Variants in LRTM3 observed in about 807,000 individuals in gnomAD.
LRTM3 encodes leucine-rich repeat transmembrane protein 3.
At chr13:102,757,931 T>C in the LRTM3 span, among the ~76,000 whole-genome samples, 1 of 152,232 alleles carries the variant, frequency 6.6e-6, no homozygotes, top group Non-Finnish European at 1.5e-5. Context: ...ACAATTAAAA[T>C]ATTGATAGCA....
chr13:102,732,017 G>T, the LRTM3 span: 2 of 1,551,190 alleles, frequency 1.3e-6, no homozygotes, highest in Non-Finnish European at 1.7e-6. Context: ...TCTGAGGTTT[G>T]CTTCTGATTT....
At chr13:102,747,070 T>C in the LRTM3 span, 1 of 1,551,130 alleles carries the variant, frequency 6.4e-7, no homozygotes, top group Non-Finnish European at 8.7e-7. Flanking sequence ...CTGCTTTTGG[T>C]AGAGTTTCTT....
the LRTM3 span, chr13:102,730,000 A>C: frequency 6.4e-7 from 1 of 1,551,662 alleles, no homozygotes. Flanking sequence ...TCTTCTCTTC[A>C]CTGAATGATA....
the LRTM3 span, chr13:102,736,182 A>G: frequency 6.5e-7 from 1 of 1,547,764 alleles, no homozygotes; most frequent in East Asian, 2.4e-5. Context: ...GAAGGAGAGA[A>G]TCTATGGTGA....
chr13:102,742,119 A>G, the LRTM3 span: 79 of 1,550,444 alleles, frequency 5.1e-5, no homozygotes, highest in Non-Finnish European at 6.9e-5. Flanking sequence ...TTAATGCTAG[A>G]CACACAGTAT....
At chr13:102,735,223 G>T in the LRTM3 span, 1 of 1,551,288 alleles carries the variant, frequency 6.4e-7, no homozygotes, top group Non-Finnish European at 8.7e-7. Flanking sequence ...AATACATTTT[G>T]TTGGGATCCA....
the LRTM3 span, chr13:102,733,035 T>C: frequency 1.3e-6 from 2 of 1,551,442 alleles, no homozygotes; most frequent in Non-Finnish European, 1.7e-6. Flanking sequence ...GTCATATCCA[T>C]GTGTATTCCT....
chr13:102,730,947 G>A, the LRTM3 span: 1 of 1,551,382 alleles, frequency 6.4e-7, no homozygotes, highest in Non-Finnish European at 8.7e-7. Context: ...TTAGATAAGG[G>A]TTTCTTTCTC....
chr13:102,744,336 G>C, the LRTM3 span: 2 of 1,550,318 alleles, frequency 1.3e-6, no homozygotes, highest in Non-Finnish European at 1.7e-6. Context: ...AAGACTGTTT[G>C]TAAGTTTTTT....
At chr13:102,747,450 C>A in the LRTM3 span, 4 of 1,548,510 alleles carry the variant, frequency 2.6e-6, no homozygotes, top group Non-Finnish European at 2.6e-6. Flanking sequence ...ACACTGAGTA[C>A]ACTTTTTGTT....
the LRTM3 span, chr13:102,745,867 A>G: frequency 1.3e-6 from 2 of 1,551,158 alleles, no homozygotes; most frequent in South Asian, 2.4e-5. Context: ...TAGACTTCAA[A>G]ATAGTTTGTG....
the LRTM3 span, chr13:102,738,983 C>T: frequency 2.6e-6 from 4 of 1,550,374 alleles, no homozygotes; most frequent in Non-Finnish European, 3.5e-6. Flanking sequence ...ACTGCTTAAA[C>T]TATCATCAAT....
At chr13:102,746,243 T>C in the LRTM3 span, 1 of 1,550,998 alleles carries the variant, frequency 6.4e-7, no homozygotes, top group African/African-American at 1.4e-5. Context: ...TTGACCCGCC[T>C]CAGACCCCAG....
the LRTM3 span, among the ~76,000 whole-genome samples, chr13:102,751,357 A>C: frequency 6.1e-5 from 7 of 114,502 alleles, no homozygotes; most frequent in Non-Finnish European, 1.1e-4. Context: ...ACACACACAC[A>C]CACACACACA....
chr13:102,744,392 C>G, the LRTM3 span: 3 of 1,550,158 alleles, frequency 1.9e-6, no homozygotes, highest in Non-Finnish European at 2.6e-6. Context: ...CCATTTCCTT[C>G]TAGGATTTTC....
the LRTM3 span, chr13:102,758,957 T>G: frequency 7.6e-7 from 1 of 1,324,254 alleles, no homozygotes; most frequent in South Asian, 1.4e-5. Context: ...TGAAAGAGAC[T>G]GGTGTCTCAT....
the LRTM3 span, chr13:102,732,517 A>G: frequency 2.6e-6 from 4 of 1,551,128 alleles, no homozygotes; most frequent in Admixed American, 2.0e-5. Context: ...AATCCAGAAC[A>G]TTTCTTTGAA....
chr13:102,750,617 A>G, the LRTM3 span, among the ~76,000 whole-genome samples: 1 of 152,192 alleles, frequency 6.6e-6, no homozygotes, highest in Non-Finnish European at 1.5e-5. Context: ...CAGAGACTAT[A>G]CCTCAGCATC....
At chr13:102,734,963 C>A in the LRTM3 span, 147 of 1,551,026 alleles carry the variant, frequency 9.5e-5, 1 homozygote, top group Non-Finnish European at 1.2e-5. Context: ...ACATGTGCCT[C>A]CCTCAGTATC....
Sources: gnomAD v4.1 joint callset for allele counts (sites outside exome capture counted in the v4.1 genomes callset) on GRCh38, gnomAD v4.1.1 for gene constraint, MANE v1.5 for transcripts, NCBI Gene and HGNC (gene_info 2026-07-23, HGNC 2026-07-21) for gene names.